NME9: variants seen among roughly 807,000 people sequenced by gnomAD.
NME9 encodes the protein thioredoxin domain-containing protein 6.
A neutral mutation model predicts 44.4 loss-of-function variants in NME9; 48 were observed. The ratio of observed to expected loss-of-function variants is 1.08; its 90% CI spans 0.86 to 1.37. The LOEUF is 1.37. Ranked by LOEUF, NME9 falls within the 40% of genes most tolerant of loss-of-function variation. The pLI is 0.00. For missense variants in NME9, 325 were observed against 405.2 expected (o/e 0.80, Z 1.70); for synonymous variants, 139 against 147.1 (o/e 0.94, Z 0.40).
At chr3:138,288,700 C>T (rs528467876) in intron 8 of NME9, among the ~76,000 whole-genome samples, 4 of 148,910 alleles carry the variant, frequency 2.7e-5, no homozygotes, top group African/African-American at 9.9e-5. Flanking sequence ...TGCAATGGCA[C>T]GATCTCAGCT....
At chr3:138,286,961 A>G (rs1577030977) in intron 8 of NME9, among the ~76,000 whole-genome samples, 1 of 152,124 alleles carries the variant, frequency 6.6e-6, no homozygotes, top group Non-Finnish European at 1.5e-5. Context: ...CAATTTATCA[A>G]CAAGTCCTAT....
chr3:138,322,387 G>A (rs1173491242), intron 2 of NME9, among the ~76,000 whole-genome samples: 1 of 150,088 alleles, frequency 6.7e-6, no homozygotes, highest in Non-Finnish European at 1.5e-5. Flanking sequence ...GGGGTAGGGG[G>A]TGGGAGGGAC....
At chr3:138,303,222 A>T in intron 10 of NME9, 1 of 291,116 alleles carries the variant, frequency 3.4e-6, no homozygotes, top group African/African-American at 2.1e-5. Flanking sequence ...TGGTTTCCAC[A>T]GGGAAATGCA....
chr3:138,307,174 G>T (rs983968951), intron 6 of NME9, among the ~76,000 whole-genome samples: 1 of 152,196 alleles, frequency 6.6e-6, no homozygotes, highest in African/African-American at 2.4e-5. Context: ...ATTGGTTTTA[G>T]CCAAGGTACC....
chr3:138,287,663 T>C (rs1178616640), intron 8 of NME9: 2 of 456,614 alleles, frequency 4.4e-6, no homozygotes, highest in Non-Finnish European at 8.8e-6. Flanking sequence ...CTTAAAAGTG[T>C]TGGCAGTTAG....
At chr3:138,296,759 C>T (rs1483701741), downstream of NME9, 2 of 152,124 alleles carry the variant, frequency 1.3e-5, no homozygotes, top group Non-Finnish European at 2.9e-5. Context: ...TTTGAAGCAT[C>T]AAAGGGAAAT....
At chr3:138,274,564 T>C in intron 8 of NME9, 1 of 1,560,292 alleles carries the variant, frequency 6.4e-7, no homozygotes, top group South Asian at 1.1e-5. Flanking sequence ...TCCTTTCTCT[T>C]GGGGAATATT....
In NME9 at chr3:138,319,540, C is replaced by T; in HGVS notation, c.133G>A (p.Val45Met). The T allele has an allele frequency of 8.1e-6, 13 of 1,613,800 alleles. No individual in the cohort carries two copies. The highest frequency in any genetic ancestry group is 1.1e-5 in the Non-Finnish European group (13 of 1,179,706). ...CTCATCTTCTGGAAGAGGCTCACCA[C>T]AGGTTTGCAGGGGCCACACCAGCCT... ...YQGWCGPCKP[V>M]VSLFQKMRIE... is the part of the protein sequence containing the mutation. The change falls in exon 3 of 11, where the codon GTG (valine) becomes ATG (methionine). Residue 45 changes from valine (V) to methionine (M), a missense_variant. Val to Met is a conservative substitution (Grantham distance 21, BLOSUM62 1). Transcript: ENST00000333911.
At chr3:138,277,282 A>C (rs1242997333) in intron 8 of NME9, among the ~76,000 whole-genome samples, 1 of 152,222 alleles carries the variant, frequency 6.6e-6, no homozygotes, top group African/African-American at 2.4e-5. Flanking sequence ...ACATAACATA[A>C]AAGGTAAAAC....
Position 138,305,007 on chromosome 3 carries a change from TACCA to T in NME9, c.653_656del (p.Leu218HisfsTer12). ...GGCTTGGTCCACTGCACATGTGATG[TACCA>T]GCTTCTCAAATGCCTCCTAGGCACA... On this transcript the variant is annotated frameshift_variant, in exon 9 of 11. Transcript: ENST00000333911. LOFTEE classifies it high-confidence loss of function. 1 of 1,613,990 alleles carries T rather than the reference TACCA, an allele frequency of 6.2e-7. No homozygotes were observed. Among genetic ancestry groups the T allele is most frequent in the Non-Finnish European group, 8.5e-7 (1 of 1,179,914 alleles).
At chr3:138,306,372 T>C in intron 7 of NME9, 26 bp downstream of exon 7, 1 of 1,508,030 alleles carries the variant, frequency 6.6e-7, no homozygotes, top group African/African-American at 1.4e-5. Context: ...AGGACAGTGG[T>C]GCATGGTAAG....
chr3:138,314,140 A>G (rs569279371), intron 6 of NME9, among the ~76,000 whole-genome samples, 192 bp downstream of exon 6: 1 of 152,350 alleles, frequency 6.6e-6, no homozygotes, highest in South Asian at 2.1e-4. Context: ...ATATGAGTGT[A>G]TCAAATTATC....
chr3:138,307,085 C>T lies in NME9; in HGVS notation c.461-605G>A, dbSNP rs79607681. On this transcript the variant is annotated intron_variant, in intron 6 of 10. Coordinates refer to ENST00000333911, the MANE Select transcript of NME9 (RefSeq NM_001349018.2). ...ATGATGTTCCATGACTTCTCAGCTCCAGCACATACTACCAGATTGCAGTTT... is the reference window on the plus strand; with the variant it reads ...ATGATGTTCCATGACTTCTCAGCTCTAGCACATACTACCAGATTGCAGTTT... 3.8e-3 allele frequency among the ~76,000 whole-genome samples: 579 copies of T among 152,330 alleles called. 3 individuals are homozygous for T. The highest frequency in any genetic ancestry group is 0.012 in the African/African-American group (500 of 41,574).
downstream of NME9, among the ~76,000 whole-genome samples, chr3:138,300,021 T>C (rs1033309528): frequency 3.3e-5 from 5 of 151,996 alleles, no homozygotes; most frequent in African/African-American, 1.2e-4. Flanking sequence ...GCACAGACCA[T>C]ATGGGCCCCA....
chr3:138,303,881 C>T (rs754197881), intron 9 of NME9, among the ~76,000 whole-genome samples: 4 of 152,282 alleles, frequency 2.6e-5, no homozygotes, highest in African/African-American at 9.6e-5. Context: ...ATTACATTTT[C>T]GCCACAGCTC....
At chr3:138,315,685 A>AT in intron 4 of NME9, 42 bp from the exon 5 acceptor site, 1 of 1,425,200 alleles carries the variant, frequency 7.0e-7, no homozygotes, top group Non-Finnish European at 9.6e-7. Flanking sequence ...CTTGGCAAAT[A>AT]TTAATCTCTT....
chr3:138,262,610 A>C, intron 8 of NME9: 1 of 1,581,726 alleles, frequency 6.3e-7, no homozygotes, highest in African/African-American at 1.4e-5. Context: ...AAAAAAAAAA[A>C]AAATTTAGGT....
chr3:138,271,798 C>CTTTCTTT (rs1018824241), intron 8 of NME9, among the ~76,000 whole-genome samples: 2 of 136,134 alleles, frequency 1.5e-5, no homozygotes, highest in African/African-American at 5.7e-5. Context: ...TTTTTTCTTT[C>CTTTCTTT]TTTTTTTTTT....
chr3:138,311,718 C>T (rs1359175719), intron 6 of NME9, among the ~76,000 whole-genome samples: 2 of 152,118 alleles, frequency 1.3e-5, no homozygotes, highest in East Asian at 3.8e-4. Flanking sequence ...CTTCAAAACA[C>T]TGGGTATAGA....
Sources: gnomAD v4.1 joint callset for allele counts (sites outside exome capture counted in the v4.1 genomes callset) on GRCh38, gnomAD v4.1.1 for gene constraint, MANE v1.5 for transcripts, NCBI Gene and HGNC (gene_info 2026-07-23, HGNC 2026-07-21) for gene names.